Variants in HEPHL1 observed in about 807,000 individuals in gnomAD.
HEPHL1 encodes hephaestin like 1, also known as ferroxidase HEPHL1.
HEPHL1 carries 123 observed loss-of-function variants against 122.0 expected under a neutral mutation model. That is an observed-to-expected ratio of 1.01 (90% CI 0.87 to 1.17). HEPHL1 has a LOEUF of 1.17. Among genes scored for constraint, HEPHL1 ranks in the 50% most tolerant of loss-of-function variants. The pLI, the probability that HEPHL1 is intolerant of heterozygous loss-of-function variation, is 0.00. For missense variants in HEPHL1, 1,452 were observed against 1,430.5 expected (o/e 1.01, Z -0.24); for synonymous variants, 527 against 508.9 (o/e 1.04, Z -0.48).
intron 12 of HEPHL1, among the ~76,000 whole-genome samples, chr11:94,092,006 G>A (rs570732362): frequency 6.6e-6 from 1 of 152,138 alleles, no homozygotes; most frequent in Non-Finnish European, 1.5e-5. Context: ...ATCATAAAAA[G>A]GCTTAACATC....
rs1303098080 is a variant in HEPHL1, at chr11:94,112,576, TTTACAAC to T, written c.*684_*690del. 1.3e-5 allele frequency: 2 copies of T among 152,346 alleles called. No homozygotes were observed. The highest frequency in any genetic ancestry group is 3.9e-4 in the East Asian group (2 of 5,186). The allele number at this position is 152,346 out of a possible 1,614,324, so 9.4% of individuals were successfully genotyped here. On this transcript the variant is annotated 3_prime_UTR_variant, in exon 20 of 20. Coordinates refer to ENST00000315765, the MANE Select transcript of HEPHL1 (RefSeq NM_001098672.2). Reference sequence around the variant, plus strand: ...TCAAACCTGTAGAAATACTTGAATGTTTACAACTCACTTCATGTTACATGTTTTTACA... The same window carrying T: ...TCAAACCTGTAGAAATACTTGAATGTTCACTTCATGTTACATGTTTTTACA...
rs531183345 is a variant in HEPHL1 at position 94,089,387 on chromosome 11, C to T, written c.2294+419C>T. Among the ~76,000 whole-genome samples, 61 of 152,150 alleles carry T rather than the reference C, an allele frequency of 4.0e-4. 4 individuals are homozygous for T. The highest frequency in any genetic ancestry group is 2.1e-4 in the South Asian group (1 of 4,832). On this transcript the variant is annotated intron_variant, in intron 12 of 19. Transcript: ENST00000315765. ...GGTTGAGGCTGAGCCACTGGCAGAGCGCTGCTCTAAGTGGGGGACCACCAA... is the reference window on the plus strand; with the variant it reads ...GGTTGAGGCTGAGCCACTGGCAGAGTGCTGCTCTAAGTGGGGGACCACCAA...
chr11:94,021,599 G>A, intron 1 of HEPHL1, 61 bp downstream of exon 1: 1 of 1,321,396 alleles, frequency 7.6e-7, no homozygotes. Flanking sequence ...CTTTGTGTGG[G>A]GAAGGTTGTA....
intron 1 of HEPHL1, among the ~76,000 whole-genome samples, chr11:94,033,792 C>CTT (rs1306877421): frequency 6.6e-6 from 1 of 152,106 alleles, no homozygotes; most frequent in African/African-American, 2.4e-5. Flanking sequence ...GTTGCTGGGG[C>CTT]TTAGGAATAA....
At chr11:94,035,566 C>T (rs1382930600) in intron 1 of HEPHL1, among the ~76,000 whole-genome samples, 2 of 152,102 alleles carry the variant, frequency 1.3e-5, no homozygotes, top group Non-Finnish European at 2.9e-5. Context: ...CACATGTATA[C>T]ATGTGCCATG....
At position 94,073,298 on chromosome 11, in the gene HEPHL1, A is replaced by AT. The variant is rs1591478241; in HGVS notation, c.1373-4dup. On this transcript the variant is annotated splice_polypyrimidine_tract_variant and intron_variant, in intron 7 of 19. Transcript: ENST00000315765. ...TTCTCTTCTCTCTCTTCTTCTGGAT[A>AT]TTTTTTCAGGCCCAGTCATCAAGGC... 3 of 1,609,632 alleles carry AT rather than the reference A, an allele frequency of 1.9e-6. No individual in the cohort carries two copies. The South Asian group carries it at 3.3e-5, about 18-fold the overall frequency.
At chr11:94,060,262 T>C (rs1325822467) in intron 2 of HEPHL1, among the ~76,000 whole-genome samples, 2 of 151,112 alleles carry the variant, frequency 1.3e-5, no homozygotes, top group Non-Finnish European at 2.9e-5. Context: ...GAAGCAATCA[T>C]ACATACACAC....
At chr11:94,088,670 T>C in intron 11 of HEPHL1, 85 bp from the exon 12 acceptor site, 1 of 1,024,182 alleles carries the variant, frequency 9.8e-7, no homozygotes, top group Non-Finnish European at 1.4e-6. Flanking sequence ...TATTTTGTAA[T>C]AAAATATGCA....
intron 17 of HEPHL1, among the ~76,000 whole-genome samples, 156 bp downstream of exon 17, chr11:94,106,286 T>G (rs1408442520): frequency 7.3e-6 from 1 of 136,690 alleles, no homozygotes; most frequent in Non-Finnish European, 1.5e-5. Flanking sequence ...TGGTGGATAT[T>G]TCTTTTCTTT....
At position 94,112,861 on chromosome 11, in the gene HEPHL1, A is replaced by T. The variant is rs184202802; in HGVS notation, c.*967A>T. On this transcript the variant is annotated 3_prime_UTR_variant, in exon 20 of 20. Coordinates refer to ENST00000315765, the MANE Select transcript of HEPHL1 (RefSeq NM_001098672.2). ...GAATCTTTACAAGTCCTCATCTTCT[A>T]TGAAATTATAACATTCTCATTGTAT... 4.6e-5 allele frequency: 7 copies of T among 152,288 alleles called. No homozygotes were observed. Among genetic ancestry groups the T allele is most frequent in the Admixed American group, 1.3e-4 (2 of 15,296 alleles). The allele number at this position is 152,288 out of a possible 1,614,324, so 9.4% of individuals were successfully genotyped here.
At chr11:94,055,068 G>A in intron 2 of HEPHL1, 1 of 163,474 alleles carries the variant, frequency 6.1e-6, no homozygotes, top group South Asian at 1.6e-4. Flanking sequence ...CCGGAAGGTA[G>A]GTGATGATAT....
intron 13 of HEPHL1, among the ~76,000 whole-genome samples, chr11:94,095,620 G>A (rs1022945038): frequency 1.3e-5 from 2 of 152,262 alleles, no homozygotes; most frequent in Non-Finnish European, 2.9e-5. Context: ...TGGCAGTATG[G>A]CCATTTTCAT....
At chr11:94,054,167 C>T (rs1182701843) in intron 2 of HEPHL1, among the ~76,000 whole-genome samples, 2 of 152,132 alleles carry the variant, frequency 1.3e-5, no homozygotes, top group African/African-American at 4.8e-5. Flanking sequence ...AGGCACAGAG[C>T]CCTGGAGAAG....
chr11:94,055,448 C>A, intron 2 of HEPHL1: 1 of 229,326 alleles, frequency 4.4e-6, no homozygotes, highest in East Asian at 1.3e-4. Context: ...CAAAGTAAGC[C>A]ATCAGTAACA....
intron 2 of HEPHL1, among the ~76,000 whole-genome samples, chr11:94,058,681 AG>A (rs11349879): frequency 0.58 from 88,478 of 151,880 alleles, 25,933 homozygotes; most frequent in South Asian, 0.68. Context: ...CTTAAGTATT[AG>A]GACTATTTAA....
At chr11:94,035,721 T>TCATGAAAG (rs1424047631) in intron 1 of HEPHL1, among the ~76,000 whole-genome samples, 1 of 152,038 alleles carries the variant, frequency 6.6e-6, no homozygotes, top group Non-Finnish European at 1.5e-5. Flanking sequence ...TCCAGAGTGG[T>TCATGAAAG]CATGAAAGTC....
intron 2 of HEPHL1, among the ~76,000 whole-genome samples, chr11:94,056,578 A>C (rs1945937782): frequency 1.3e-5 from 2 of 152,064 alleles, no homozygotes; most frequent in Non-Finnish European, 2.9e-5. Flanking sequence ...TATTACATTT[A>C]CCAACTAAAT....
At chr11:94,043,712 T>C (rs11020640) in intron 1 of HEPHL1, among the ~76,000 whole-genome samples, 49,166 of 151,876 alleles carry the variant, frequency 0.32, 9,246 homozygotes, top group South Asian at 0.44. Context: ...TTCTATTTTT[T>C]TTTTCTTGAG....
At chr11:94,081,944 AGGAAG>A (rs1232237565) in intron 9 of HEPHL1, among the ~76,000 whole-genome samples, 2 of 152,200 alleles carry the variant, frequency 1.3e-5, no homozygotes, top group Non-Finnish European at 2.9e-5. Context: ...AAGTGAATTG[AGGAAG>A]GGAGTTCTTC....
Sources: gnomAD v4.1 joint callset for allele counts (sites outside exome capture counted in the v4.1 genomes callset) on GRCh38, gnomAD v4.1.1 for gene constraint, MANE v1.5 for transcripts, NCBI Gene and HGNC (gene_info 2026-07-23, HGNC 2026-07-21) for gene names.